The following IGF1R variants were observed in gnomAD, a reference collection of about 807,000 sequenced individuals.
IGF1R encodes insulin-like growth factor 1 receptor.
IGF1R carries 44 observed loss-of-function variants against 144.6 expected under a neutral mutation model. The observed-to-expected ratio is 0.30, with a 90% CI of 0.24 to 0.39. IGF1R has a LOEUF of 0.39. Among genes scored for constraint, IGF1R ranks in the 10% least tolerant of loss-of-function variants. IGF1R has a pLI of 1.00. For missense variants in IGF1R, 1,355 were observed against 1,833.7 expected, an observed-to-expected ratio of 0.74 and a Z score of 4.77; for synonymous variants, 795 against 722.8, an observed-to-expected ratio of 1.10 and a Z score of -1.60.
rs558728376 is a variant in IGF1R, at chr15:98,853,605, C to T, written c.641-37720C>T. Among the ~76,000 whole-genome samples the T allele has an allele frequency of 4.6e-5, 7 of 152,306 alleles. No individual in the cohort carries two copies. The South Asian group carries it at 1.4e-3, about 32-fold the overall frequency. On this transcript the variant is annotated intron_variant, in intron 2 of 20. Coordinates refer to ENST00000650285, the MANE Select transcript of IGF1R (RefSeq NM_000875.5). ...TGGAATATTTTGTGAAAAGCCTTTTCAGCATAAAAAAGATGATCTTGAGGG... is the reference window on the plus strand; with the variant it reads ...TGGAATATTTTGTGAAAAGCCTTTTTAGCATAAAAAAGATGATCTTGAGGG...
At chr15:98,941,095 G>A (rs1241520918) in intron 18 of IGF1R, among the ~76,000 whole-genome samples, 7 of 152,254 alleles carry the variant, frequency 4.6e-5, no homozygotes, top group Non-Finnish European at 8.8e-5. Flanking sequence ...TGGGCCTGAG[G>A]TGGGCCAGTT....
chr15:98,767,109 A>G (rs2055454629), intron 2 of IGF1R, among the ~76,000 whole-genome samples: 1 of 151,786 alleles, frequency 6.6e-6, no homozygotes, highest in African/African-American at 2.4e-5. Flanking sequence ...GAATTCATTT[A>G]TTTTTTTCCA....
Position 98,707,539 on chromosome 15 carries a change from T to C in IGF1R, c.95-23T>C. 1 of 1,612,908 alleles carries C rather than the reference T, an allele frequency of 6.2e-7. No individual in the cohort carries two copies. On this transcript the variant is annotated intron_variant, in intron 1 of 20. Coordinates refer to ENST00000650285, the MANE Select transcript of IGF1R (RefSeq NM_000875.5). The surrounding 1 kb of genome is among the most constrained non-coding windows in gnomAD (Gnocchi z 6.7). ...AAATTATTTCCTTCTAACTGAGACG[T>C]TTACCCTCTTGTCTCCCTTCAGTCT... is the stretch of plus-strand genomic sequence containing the variant.
chr15:98,775,459 C>G (rs1170012113), intron 2 of IGF1R, among the ~76,000 whole-genome samples: 2 of 152,290 alleles, frequency 1.3e-5, no homozygotes, highest in East Asian at 3.9e-4. Flanking sequence ...CTTGTGCAAA[C>G]AAGTTCAGGG....
At chr15:98,799,344 A>G (rs757463884) in intron 2 of IGF1R, among the ~76,000 whole-genome samples, 4 of 142,690 alleles carry the variant, frequency 2.8e-5, no homozygotes, top group Non-Finnish European at 6.1e-5. Flanking sequence ...TTCATTGGAT[A>G]GCTAGAAGGG....
chr15:98,922,702 CTACTTGGTGCACATCGTGCAT>C (rs2015542394), intron 11 of IGF1R, among the ~76,000 whole-genome samples: 1 of 152,230 alleles, frequency 6.6e-6, no homozygotes, highest in Non-Finnish European at 1.5e-5. Context: ...CCTCCACCTG[CTACTTGGTGCACATCGTGCAT>C]TCCTGCTGTC....
At position 98,915,960 on chromosome 15, in the gene IGF1R, C is replaced by T. The variant is rs763202713; in HGVS notation, c.1829-4C>T. The T allele has an allele frequency of 3.6e-5, 58 of 1,613,646 alleles. No homozygotes were observed. Among genetic ancestry groups the T allele is most frequent in the Non-Finnish European group, 4.6e-5 (54 of 1,179,652 alleles). ...TCTAGAATGTTCTTTGTTCCCCTCT[C>T]CAGTTCCTTCCATTCCCTTGGACGT... On this transcript the variant is annotated splice_polypyrimidine_tract_variant and splice_region_variant and intron_variant, in intron 8 of 20. Coordinates refer to ENST00000650285, the MANE Select transcript of IGF1R (RefSeq NM_000875.5).
rs768174302 is a variant in IGF1R at position 98,957,443 on chromosome 15, T to TCC, written c.*2_*3dup. On this transcript the variant is annotated 3_prime_UTR_variant, in exon 21 of 21. Transcript: ENST00000650285. ...GCTGCCCCAGTCTTCGACCTGCTGA[T>TCC]CCTTGGATCCTGAATCTGTGCAAAC... 5 of 1,612,846 alleles carry TCC rather than the reference T, an allele frequency of 3.1e-6. No individual in the cohort carries two copies. The highest frequency in any genetic ancestry group is 4.2e-6 in the Non-Finnish European group (5 of 1,180,020).
At chr15:98,860,504 C>T (rs1305681255) in intron 2 of IGF1R, among the ~76,000 whole-genome samples, 2 of 152,228 alleles carry the variant, frequency 1.3e-5, no homozygotes, top group Admixed American at 6.5e-5. Flanking sequence ...AGTTTTTGTG[C>T]ACTATCATGC....
Position 98,964,334 on chromosome 15 carries a change from T to A in IGF1R, c.*6892T>A, listed in dbSNP as rs941771111. On this transcript the variant is annotated 3_prime_UTR_variant, in exon 21 of 21. Coordinates refer to ENST00000650285, the MANE Select transcript of IGF1R (RefSeq NM_000875.5). Reference sequence around the variant, plus strand: ...ATAAAAAATCAGTAGATGAAAAAAATTTCAAAATGTTTTTGTATATTCTGT... The same window carrying A: ...ATAAAAAATCAGTAGATGAAAAAAAATTCAAAATGTTTTTGTATATTCTGT... 1 of 231,028 alleles carries A rather than the reference T, an allele frequency of 4.3e-6. No individual in the cohort carries two copies. The highest frequency in any genetic ancestry group is 5.6e-5 in the Admixed American group (1 of 17,704). The allele number at this position is 231,028 out of a possible 1,614,324, so 14.3% of individuals were successfully genotyped here. A position where few individuals can be genotyped will look rare whatever the true frequency, so the allele number is the denominator to read the frequency against.
intron 2 of IGF1R, among the ~76,000 whole-genome samples, chr15:98,823,270 C>T (rs912295809): frequency 6.6e-6 from 1 of 152,078 alleles, no homozygotes; most frequent in Admixed American, 6.6e-5. Flanking sequence ...AGGAGGAAGC[C>T]GAAATGCAAA....
At chr15:98,788,632 A>G (rs1334500403) in intron 2 of IGF1R, among the ~76,000 whole-genome samples, 1 of 152,210 alleles carries the variant, frequency 6.6e-6, no homozygotes, top group East Asian at 1.9e-4. Context: ...CAAACGGTCT[A>G]TACTGCTCAG....
At chr15:98,798,061 T>C (rs930893940) in intron 2 of IGF1R, among the ~76,000 whole-genome samples, 5 of 152,140 alleles carry the variant, frequency 3.3e-5, no homozygotes, top group Non-Finnish European at 7.4e-5. Context: ...TCCACAAATA[T>C]TATTGAGCAC....
At chr15:98,941,430 G>T (rs1280449975) in intron 18 of IGF1R, among the ~76,000 whole-genome samples, 1 of 152,188 alleles carries the variant, frequency 6.6e-6, no homozygotes, top group Non-Finnish European at 1.5e-5. Context: ...CAACCATGTG[G>T]CATATTTATA....
At chr15:98,820,465 G>A (rs1016912776) in intron 2 of IGF1R, among the ~76,000 whole-genome samples, 1 of 152,100 alleles carries the variant, frequency 6.6e-6, no homozygotes, top group East Asian at 1.9e-4. Context: ...CAATACTCAG[G>A]GTCATCACTG....
Position 98,883,788 on chromosome 15 carries a change from G to A in IGF1R, c.641-7537G>A, listed in dbSNP as rs867807434. Among the ~76,000 whole-genome samples the A allele has an allele frequency of 7.2e-5, 11 of 152,196 alleles. No individual in the cohort carries two copies. The South Asian group carries it at 1.0e-3, about 14-fold the overall frequency. On this transcript the variant is annotated intron_variant, in intron 2 of 20. Coordinates refer to ENST00000650285, the MANE Select transcript of IGF1R (RefSeq NM_000875.5). ...ACCCTTTCTGTCGAAAGTGTTCGCC[G>A]GGCTGCCTCTGCCTCCCTGGAAAAG...
At chr15:98,662,581 T>A (rs1451157524) in intron 1 of IGF1R, among the ~76,000 whole-genome samples, 1 of 152,086 alleles carries the variant, frequency 6.6e-6, no homozygotes, top group African/African-American at 2.4e-5. Context: ...TTTTTTTTTT[T>A]ACTCGAGCTT....
At chr15:98,756,316 C>T (rs1282834423) in intron 2 of IGF1R, among the ~76,000 whole-genome samples, 1 of 151,068 alleles carries the variant, frequency 6.6e-6, no homozygotes, top group Non-Finnish European at 1.5e-5. Flanking sequence ...CCTGTAGTCC[C>T]ATCCCAGAAC....
chr15:98,760,077 C>T (rs890473571), intron 2 of IGF1R, among the ~76,000 whole-genome samples: 3 of 152,100 alleles, frequency 2.0e-5, no homozygotes, highest in South Asian at 4.1e-4. Context: ...CGGTGGCTCA[C>T]GCCTGTAATC....
Sources: allele counts gnomAD v4.1 joint callset (sites outside exome capture counted in the v4.1 genomes callset), GRCh38; gene constraint gnomAD v4.1.1; non-coding constraint Gnocchi (gnomAD v3.1); transcripts MANE v1.5; gene names NCBI Gene and HGNC (gene_info 2026-07-23, HGNC 2026-07-21).